The following RAB8B variants were observed in gnomAD, a reference collection of about 807,000 sequenced individuals.
The protein encoded by RAB8B is ras-related protein Rab-8B.
Under a neutral mutation model 32.0 loss-of-function variants are expected in RAB8B, and 11 were observed. The ratio of observed to expected loss-of-function variants is 0.34; its 90% CI spans 0.22 to 0.57. The LOEUF (loss-of-function observed/expected upper bound fraction) is 0.57. Among genes scored for constraint, RAB8B ranks in the 20% least tolerant of loss-of-function variants. RAB8B has a pLI of 0.86. For synonymous variants in RAB8B, 103 were observed against 89.6 expected (o/e 1.15, Z -0.85); for missense variants, 190 against 258.5 (o/e 0.73, Z 1.82).
At chr15:63,220,903 C>CAGTGCT (rs2037839053) in intron 1 of RAB8B, among the ~76,000 whole-genome samples, 1 of 152,106 alleles carries the variant, frequency 6.6e-6, no homozygotes, top group South Asian at 2.1e-4. Flanking sequence ...CAGCCGTATA[C>CAGTGCT]AGTGCTAGAT....
intron 1 of RAB8B, among the ~76,000 whole-genome samples, chr15:63,241,820 G>C (rs1313545668): frequency 6.6e-6 from 1 of 151,930 alleles, no homozygotes; most frequent in Admixed American, 6.6e-5. Flanking sequence ...CACTGGATTT[G>C]GTGGCATATA....
intron 1 of RAB8B, among the ~76,000 whole-genome samples, chr15:63,199,369 A>G (rs961060599): frequency 6.6e-6 from 1 of 152,146 alleles, no homozygotes; most frequent in African/African-American, 2.4e-5. Context: ...GAACTAGATA[A>G]TTTTTAAAAA....
In RAB8B at chr15:63,264,737, G is replaced by C. The variant is rs377361799; in HGVS notation, c.*1118G>C. The stretch of plus-strand genomic sequence containing the variant: ...GAGTTTTGGTTGGTTTTATTTGGCA[G>C]ATGTTTTTAGAAATAAAAGTACTTA... On this transcript the variant is annotated 3_prime_UTR_variant, in exon 8 of 8. Coordinates refer to ENST00000321437, the MANE Select transcript of RAB8B (RefSeq NM_016530.3). 5.3e-5 allele frequency: 8 copies of C among 152,334 alleles called. No homozygotes were observed. Among genetic ancestry groups the C allele is most frequent in the African/African-American group, 1.9e-4 (8 of 41,586 alleles). The allele number at this position is 152,334 out of a possible 1,614,324, so 9.4% of individuals were successfully genotyped here.
In RAB8B at chr15:63,212,704, A is replaced by T. The variant is rs527819557; in HGVS notation, c.124+22956A>T. On this transcript the variant is annotated intron_variant, in intron 1 of 7. Coordinates refer to ENST00000321437, the MANE Select transcript of RAB8B (RefSeq NM_016530.3). ...AGGAGACAGCCTCTGGACTTCCCCA[A>T]ATATTTCCGTATTCCCTAAAACAGC... Among the ~76,000 whole-genome samples the T allele has an allele frequency of 2.6e-5, 4 of 152,324 alleles. No homozygotes were observed. The South Asian group carries it at 8.3e-4, about 32-fold the overall frequency.
intron 1 of RAB8B, among the ~76,000 whole-genome samples, chr15:63,238,815 G>A (rs1346659072): frequency 6.6e-6 from 1 of 152,128 alleles, no homozygotes; most frequent in Admixed American, 6.6e-5. Flanking sequence ...TCCAATCTTG[G>A]TAATTCCCCG....
chr15:63,249,360 T>C (rs1157560033), intron 2 of RAB8B, among the ~76,000 whole-genome samples: 2 of 152,192 alleles, frequency 1.3e-5, no homozygotes, highest in African/African-American at 2.4e-5. Context: ...TTGACTAATA[T>C]AACACACCAG....
intron 1 of RAB8B, among the ~76,000 whole-genome samples, chr15:63,218,019 G>A (rs1185477752): frequency 1.3e-5 from 2 of 152,068 alleles, no homozygotes; most frequent in Non-Finnish European, 2.9e-5. Context: ...TATTTAAAAG[G>A]ACCAGTTCCT....
At chr15:63,204,950 G>A (rs938240183) in intron 1 of RAB8B, among the ~76,000 whole-genome samples, 1 of 151,904 alleles carries the variant, frequency 6.6e-6, no homozygotes, top group Admixed American at 6.6e-5. Flanking sequence ...TTGAGCTCAG[G>A]AGTTAGAGAC....
intron 1 of RAB8B, among the ~76,000 whole-genome samples, chr15:63,234,057 A>G (rs1225672154): frequency 6.6e-6 from 1 of 152,164 alleles, no homozygotes; most frequent in Non-Finnish European, 1.5e-5. Flanking sequence ...AGAAAACCTT[A>G]GTTGAAGGTC....
intron 1 of RAB8B, among the ~76,000 whole-genome samples, chr15:63,203,016 T>C (rs1044275058): frequency 6.6e-6 from 1 of 152,246 alleles, no homozygotes; most frequent in African/African-American, 2.4e-5. Flanking sequence ...GGTTTCTCTA[T>C]GGCCCAAAAA....
intron 4 of RAB8B, 86 bp from the exon 5 acceptor site, chr15:63,256,419 C>T (rs2038159119): frequency 3.3e-6 from 3 of 912,804 alleles, no homozygotes; most frequent in East Asian, 5.3e-5. Context: ...TTATTAAATT[C>T]ATGTGTTTCT....
At position 63,259,438 on chromosome 15, in the gene RAB8B, C is replaced by CTT. The variant is rs1385310693; in HGVS notation, c.415-189_415-188insTT. The stretch of plus-strand genomic sequence containing the variant: ...ATGTTTGAAATGGAAGTTGTGCCAT[C>CTT]CTTCTTACGATGATTAAGTTAAATT... On this transcript the variant is annotated intron_variant, in intron 5 of 7. Coordinates refer to ENST00000321437, the MANE Select transcript of RAB8B (RefSeq NM_016530.3). This position sits in a 1 kb window ranked among gnomAD's most constrained non-coding sequence, Gnocchi z 4.4. Among the ~76,000 whole-genome samples the CTT allele has an allele frequency of 1.3e-5, 2 of 152,230 alleles. No homozygotes were observed. The highest frequency in any genetic ancestry group is 4.8e-5 in the African/African-American group (2 of 41,556).
chr15:63,190,503 G>A (rs1010617977), intron 1 of RAB8B, among the ~76,000 whole-genome samples: 1 of 151,874 alleles, frequency 6.6e-6, no homozygotes, highest in Non-Finnish European at 1.5e-5. Flanking sequence ...CAGAGGAGAT[G>A]GAAAAGAGAG....
chr15:63,259,638 C>T lies in RAB8B; in HGVS notation c.426C>T (p.Asp142=), dbSNP rs771522269. The stretch of plus-strand genomic sequence containing the variant: ...TGTTTACTTTTCAGCTAGCAATTGA[C>T]TATGGGATTAAATTCTTGGAGACAA... ...SKERGEKLAI[D]YGIKFLETSA... is the part of the protein sequence containing the mutation. Residue 142 remains aspartate, a synonymous_variant, in exon 6 of 8, where the codon GAC becomes GAT. Transcript: ENST00000321437. This position sits in a 1 kb window ranked among gnomAD's most constrained non-coding sequence, Gnocchi z 4.4. 30 of 1,613,408 alleles carry T rather than the reference C, an allele frequency of 1.9e-5. No individual in the cohort carries two copies. The highest frequency in any genetic ancestry group is 2.5e-5 in the Non-Finnish European group (30 of 1,179,372).
chr15:63,202,275 CTCAAAAA>C (rs1056501653), intron 1 of RAB8B, among the ~76,000 whole-genome samples: 6 of 93,080 alleles, frequency 6.4e-5, no homozygotes, highest in African/African-American at 2.3e-4. Flanking sequence ...GAGACTCCGT[CTCAAAAA>C]GAAAAAAGAA....
At chr15:63,244,390 C>G (rs2038055273) in intron 1 of RAB8B, among the ~76,000 whole-genome samples, 1 of 152,056 alleles carries the variant, frequency 6.6e-6, no homozygotes, top group Admixed American at 6.5e-5. Flanking sequence ...CCATAGCCTT[C>G]TTTTGGGAAG....
At chr15:63,261,188 T>C (rs1213049545) in intron 6 of RAB8B, among the ~76,000 whole-genome samples, 1 of 152,136 alleles carries the variant, frequency 6.6e-6, no homozygotes, top group African/African-American at 2.4e-5. Flanking sequence ...ACATCAGTAG[T>C]GATCAGGGCA....
At chr15:63,253,393 A>G (rs1484918613) in intron 3 of RAB8B, among the ~76,000 whole-genome samples, 3 of 152,244 alleles carry the variant, frequency 2.0e-5, no homozygotes, top group Admixed American at 6.5e-5. Context: ...CAGACCTGGA[A>G]GGACTTCCCC....
At chr15:63,236,174 T>C (rs538939568) in intron 1 of RAB8B, among the ~76,000 whole-genome samples, 1 of 152,332 alleles carries the variant, frequency 6.6e-6, no homozygotes, top group African/African-American at 2.4e-5. Context: ...TTCATACTTA[T>C]TTCCCTGCCT....
Sources: gnomAD v4.1 joint callset for allele counts (sites outside exome capture counted in the v4.1 genomes callset) on GRCh38, gnomAD v4.1.1 for gene constraint, Gnocchi (gnomAD v3.1) non-coding constraint, MANE v1.5 for transcripts, NCBI Gene and HGNC (gene_info 2026-07-23, HGNC 2026-07-21) for gene names.